USP40: variants seen among roughly 807,000 people sequenced by gnomAD.
USP40 encodes ubiquitin specific peptidase 40.
USP40 carries 143 observed loss-of-function variants against 166.2 expected under a neutral mutation model. The observed-to-expected ratio is 0.86, with a 90% CI of 0.75 to 0.99. The LOEUF (loss-of-function observed/expected upper bound fraction) is 0.99. USP40 is among the 50% of genes least tolerant of loss of function. The pLI is 0.00. For missense variants in USP40, 1,444 were observed against 1,479.7 expected, an observed-to-expected ratio of 0.98 and a Z score of 0.40; for synonymous variants, 498 against 524.0, an observed-to-expected ratio of 0.95 and a Z score of 0.68.
intron 9 of USP40, among the ~76,000 whole-genome samples, 169 bp from the exon 10 acceptor site, chr2:233,540,938 G>C (rs2069352057): frequency 6.6e-6 from 1 of 152,162 alleles, no homozygotes; most frequent in Non-Finnish European, 1.5e-5. Context: ...TTTAAAAACT[G>C]GTTAAGCCTC....
At chr2:233,487,989 C>G (rs763932253) in intron 28 of USP40, 2 of 659,734 alleles carry the variant, frequency 3.0e-6, no homozygotes, top group South Asian at 1.5e-5. Flanking sequence ...TCAGGGCCAT[C>G]ATGGGGTCAA....
chr2:233,559,836 T>A lies in USP40; in HGVS notation c.356A>T (p.Asp119Val), dbSNP rs760338441. The A allele has an allele frequency of 6.2e-7, 1 of 1,609,636 alleles. No homozygotes were observed. Among genetic ancestry groups the A allele is most frequent in the Non-Finnish European group, 8.5e-7 (1 of 1,178,108 alleles). ...CTCATTACTGGTCCACCCAAAGCTG[T>A]CAGTGAGGTCTGCTGTGGATGCAGC... Reference protein sequence around the residue: ...QEAASTADLTDSFGWTSNEEM... With the variant: ...QEAASTADLTVSFGWTSNEEM... Residue 119 changes from aspartate (D) to valine (V), a missense_variant, in exon 4 of 32, where the codon GAC becomes GTC. Physicochemically the swap from Asp to Val is radical, Grantham distance 152 (BLOSUM62 -3). Transcript: ENST00000678225.
Position 233,480,496 on chromosome 2 carries a change from G to A in USP40, c.3599+707C>T, listed in dbSNP as rs1179011191. 6.6e-6 allele frequency among the ~76,000 whole-genome samples: 1 copy of A among 152,224 alleles called. No homozygotes were observed. The highest frequency in any genetic ancestry group is 1.5e-5 in the Non-Finnish European group (1 of 68,046). On this transcript the variant is annotated intron_variant, in intron 31 of 31. Coordinates refer to ENST00000678225, the MANE Select transcript of USP40 (RefSeq NM_001365479.2). This position sits in a 1 kb window ranked among gnomAD's most constrained non-coding sequence, Gnocchi z 4.5. ...AACTGAGCCTCACGCCCCAGTTCCG[G>A]GTGTGTGGCCTGGAGGCCTGAAGAC... is the stretch of plus-strand genomic sequence containing the variant.
At chr2:233,522,243 C>T (rs1404989647) in intron 16 of USP40, among the ~76,000 whole-genome samples, 1 of 152,166 alleles carries the variant, frequency 6.6e-6, no homozygotes, top group East Asian at 1.9e-4. Flanking sequence ...CAAATGCTAA[C>T]AGTGATTAAC....
At chr2:233,485,431 T>C (rs2064881072) in intron 30 of USP40, 100 bp downstream of exon 30, 1 of 926,268 alleles carries the variant, frequency 1.1e-6, no homozygotes, top group Non-Finnish European at 1.7e-6. Flanking sequence ...TTGTATAAAA[T>C]GGGATAATCT....
At chr2:233,548,717 G>A (rs1160683695) in intron 8 of USP40, among the ~76,000 whole-genome samples, 1 of 152,090 alleles carries the variant, frequency 6.6e-6, no homozygotes. Flanking sequence ...AACATCCTTG[G>A]TTTTAGAAGA....
chr2:233,524,699 C>A, intron 14 of USP40, 137 bp from the exon 15 acceptor site: 1 of 603,054 alleles, frequency 1.7e-6, no homozygotes, highest in Non-Finnish European at 2.6e-6. Flanking sequence ...TATTTTTATT[C>A]TATTGACATT....
intron 18 of USP40, among the ~76,000 whole-genome samples, chr2:233,518,486 G>A (rs551962509): frequency 6.7e-6 from 1 of 150,182 alleles, no homozygotes; most frequent in East Asian, 2.0e-4. Context: ...AAAATTGCTT[G>A]AGCCTGGGAG....
intron 11 of USP40, among the ~76,000 whole-genome samples, chr2:233,530,849 T>A (rs973091077): frequency 6.6e-6 from 1 of 152,252 alleles, no homozygotes; most frequent in African/African-American, 2.4e-5. Context: ...TATATTTTAC[T>A]GTTTTCCATT....
intron 31 of USP40, among the ~76,000 whole-genome samples, chr2:233,479,908 C>T (rs927200423): frequency 2.6e-4 from 40 of 152,154 alleles, no homozygotes; most frequent in African/African-American, 8.9e-4. Context: ...GGCCCAGGGG[C>T]CGTGCTGCTT....
chr2:233,565,893 T>C (rs1224248558), intron 1 of USP40, among the ~76,000 whole-genome samples: 1 of 152,188 alleles, frequency 6.6e-6, no homozygotes, highest in African/African-American at 2.4e-5. Flanking sequence ...TGGCCCACAA[T>C]AAGTAACAGC....
At chr2:233,565,636 C>A (rs1283361288) in intron 1 of USP40, 63 bp from the exon 2 acceptor site, 7 of 1,356,656 alleles carry the variant, frequency 5.2e-6, no homozygotes, top group Non-Finnish European at 7.0e-6. Context: ...AATCCCCCTA[C>A]CTTACACTTG....
intron 16 of USP40, among the ~76,000 whole-genome samples, chr2:233,522,153 G>C (rs182741103): frequency 6.6e-6 from 1 of 152,156 alleles, no homozygotes; most frequent in African/African-American, 2.4e-5. Flanking sequence ...AAATCTCAAG[G>C]TTGGGCAGGG....
Position 233,551,453 on chromosome 2 carries a change from C to A in USP40, c.760G>T (p.Val254Leu), listed in dbSNP as rs868847710. Residue 254 changes from valine to leucine, a missense_variant, in exon 7 of 32, where the codon GTG becomes TTG. Coordinates refer to ENST00000678225, the MANE Select transcript of USP40 (RefSeq NM_001365479.2). The stretch of plus-strand genomic sequence containing the variant: ...GTTTCCTTGTAGCGTTCGCATTTCA[C>A]AAAATCAAAATTAAATCTTAGTAAT... ...VSLLRFNFDF[V>L]KCERYKETSC... 1 of 1,611,260 alleles carries A rather than the reference C, an allele frequency of 6.2e-7. No individual in the cohort carries two copies. Among genetic ancestry groups the A allele is most frequent in the South Asian group, 1.1e-5 (1 of 90,404 alleles).
intron 21 of USP40, among the ~76,000 whole-genome samples, chr2:233,508,883 AT>A: frequency 6.6e-6 from 1 of 152,226 alleles, no homozygotes; most frequent in South Asian, 2.1e-4. Flanking sequence ...GTTTCAATTA[AT>A]TTTTATTATT....
intron 3 of USP40, among the ~76,000 whole-genome samples, chr2:233,561,382 G>A (rs1380843814): frequency 6.6e-6 from 1 of 150,604 alleles, no homozygotes; most frequent in Non-Finnish European, 1.5e-5. Context: ...ATAGATCAAT[G>A]CAACAGAACA....
At chr2:233,559,757 C>A in intron 4 of USP40, 54 bp downstream of exon 4, 1 of 1,294,112 alleles carries the variant, frequency 7.7e-7, no homozygotes, top group Non-Finnish European at 1.1e-6. Context: ...TTAAACCAGC[C>A]TTATTCTTTC....
At chr2:233,494,989 T>C (rs374465920) in intron 24 of USP40, among the ~76,000 whole-genome samples, 7 of 114,526 alleles carry the variant, frequency 6.1e-5, no homozygotes, top group East Asian at 2.7e-4. Context: ...TACACACACA[T>C]AAAAAATAAA....
intron 17 of USP40, among the ~76,000 whole-genome samples, chr2:233,519,937 A>G (rs1298862432): frequency 6.6e-6 from 1 of 152,192 alleles, no homozygotes; most frequent in Non-Finnish European, 1.5e-5. Context: ...AACTGTAGAA[A>G]ACTACAGAAA....
Sources: gnomAD v4.1 joint callset for allele counts (sites outside exome capture counted in the v4.1 genomes callset) on GRCh38, gnomAD v4.1.1 for gene constraint, Gnocchi (gnomAD v3.1) non-coding constraint, MANE v1.5 for transcripts, NCBI Gene and HGNC (gene_info 2026-07-23, HGNC 2026-07-21) for gene names.